BNC2: variants seen among roughly 807,000 people sequenced by gnomAD.
BNC2 encodes zinc finger protein basonuclin-2.
In BNC2, 20 loss-of-function variants were observed where a neutral mutation model predicts 76.3. The observed-to-expected ratio is 0.26, with a 90% CI of 0.18 to 0.38. The LOEUF is 0.38. BNC2 is among the 10% of genes least tolerant of loss of function. The probability of loss-of-function intolerance (pLI) is 1.00; values close to 1 mark genes in which losing one functional copy is unlikely to be tolerated. For missense variants in BNC2, 1,382 were observed against 1,399.8 expected (o/e 0.99, Z 0.20); for synonymous variants, 582 against 514.8 (o/e 1.13, Z -1.77).
At chr9:16,802,005 A>C (rs541461215) in intron 1 of BNC2, among the ~76,000 whole-genome samples, 2 of 152,282 alleles carry the variant, frequency 1.3e-5, no homozygotes, top group African/African-American at 4.8e-5. Context: ...CTAATGCATC[A>C]ATTTTTTTCA....
At chr9:16,577,778 T>TTGCAGGCAGACCTCAGCCAAAGGAAATAA (rs2132969588) in intron 4 of BNC2, among the ~76,000 whole-genome samples, 1 of 152,348 alleles carries the variant, frequency 6.6e-6, no homozygotes, top group African/African-American at 2.4e-5. Flanking sequence ...ACAAGCATTC[T>TTGCAGGCAGACCTCAGCCAAAGGAAATAA]TGCAGGCAGA....
At chr9:16,707,705 G>A (rs773454335) in intron 3 of BNC2, among the ~76,000 whole-genome samples, 20 of 152,060 alleles carry the variant, frequency 1.3e-4, no homozygotes, top group Non-Finnish European at 2.2e-4. Flanking sequence ...GCAGTGGCAC[G>A]GTTTCAGTTC....
intron 5 of BNC2, among the ~76,000 whole-genome samples, chr9:16,497,410 G>A (rs1822412568): frequency 6.6e-6 from 1 of 152,182 alleles, no homozygotes; most frequent in African/African-American, 2.4e-5. Context: ...CAAAAGCAGA[G>A]ACCATGCCCT....
At chr9:16,721,854 G>A (rs1179840332) in intron 3 of BNC2, among the ~76,000 whole-genome samples, 1 of 152,030 alleles carries the variant, frequency 6.6e-6, no homozygotes, top group Non-Finnish European at 1.5e-5. Flanking sequence ...CAAACACTAA[G>A]GTTCAAATTA....
intron 3 of BNC2, among the ~76,000 whole-genome samples, chr9:16,643,120 T>G (rs1024517250): frequency 6.6e-6 from 1 of 152,028 alleles, no homozygotes. Context: ...CTTTTCTATA[T>G]AGAGCTGGCA....
rs1822291233 is a variant in BNC2 at position 16,492,104 on chromosome 9, A to C, written c.670-54580T>G. On this transcript the variant is annotated intron_variant, in intron 5 of 6. Transcript: ENST00000380672. ...GTTCATTCTATCAAAATTAAGTTGA[A>C]TGCTTTAGGGAGTCCTGACAATGTT... Among the ~76,000 whole-genome samples, 3 of 152,208 alleles carry C rather than the reference A, an allele frequency of 2.0e-5. No individual in the cohort carries two copies. The South Asian group carries it at 6.2e-4, about 31-fold the overall frequency.
chr9:16,734,918 C>A (rs931300073), intron 2 of BNC2, among the ~76,000 whole-genome samples: 1 of 152,186 alleles, frequency 6.6e-6, no homozygotes, highest in Non-Finnish European at 1.5e-5. Context: ...AAAAGCTTCA[C>A]CCTTCTCAGC....
At chr9:16,457,795 T>C (rs1372106926) in intron 5 of BNC2, among the ~76,000 whole-genome samples, 1 of 152,232 alleles carries the variant, frequency 6.6e-6, no homozygotes, top group African/African-American at 2.4e-5. Context: ...AGTTCCTGGA[T>C]GCCAGCCAAG....
intron 3 of BNC2, among the ~76,000 whole-genome samples, chr9:16,684,653 G>A (rs1822923080): frequency 6.6e-6 from 1 of 151,820 alleles, no homozygotes; most frequent in Non-Finnish European, 1.5e-5. Context: ...TAGAAAATAA[G>A]GCCAAATGGA....
At chr9:16,472,518 A>C (rs1239489754) in intron 5 of BNC2, among the ~76,000 whole-genome samples, 1 of 152,192 alleles carries the variant, frequency 6.6e-6, no homozygotes, top group Non-Finnish European at 1.5e-5. Context: ...AATTCAGAAG[A>C]GGTCACATGG....
chr9:16,688,132 G>A (rs1013058192), intron 3 of BNC2, among the ~76,000 whole-genome samples: 7 of 152,090 alleles, frequency 4.6e-5, no homozygotes, highest in Admixed American at 1.3e-4. Context: ...TTCACTGAAC[G>A]GTTCATGGTC....
intron 1 of BNC2, among the ~76,000 whole-genome samples, chr9:16,795,580 G>C (rs1443329855): frequency 6.6e-6 from 1 of 152,102 alleles, no homozygotes; most frequent in Admixed American, 6.5e-5. Context: ...AGCGAGAGGA[G>C]GATGGTGACA....
chr9:16,608,751 T>C (rs1820454519), intron 3 of BNC2, among the ~76,000 whole-genome samples: 1 of 152,138 alleles, frequency 6.6e-6, no homozygotes, highest in South Asian at 2.1e-4. Context: ...CATGAAAAGA[T>C]AACCTGACAG....
chr9:16,650,374 G>C (rs192035527), intron 3 of BNC2, among the ~76,000 whole-genome samples: 1 of 152,110 alleles, frequency 6.6e-6, no homozygotes, highest in Non-Finnish European at 1.5e-5. Context: ...TCACTGATGT[G>C]TTCATGCCTT....
chr9:16,685,411 C>T (rs557241561), intron 3 of BNC2: 17 of 439,392 alleles, frequency 3.9e-5, no homozygotes, highest in East Asian at 1.4e-4. Flanking sequence ...GCTGCACATA[C>T]GCTACACTGG....
At position 16,552,512 on chromosome 9, in the gene BNC2, T is replaced by A. The variant is rs1042573958; in HGVS notation, c.669+18A>T. On this transcript the variant is annotated intron_variant, in intron 5 of 6. Coordinates refer to ENST00000380672, the MANE Select transcript of BNC2 (RefSeq NM_017637.6). ...CAGTCGGCCCCGGACACGGGCGGCG[T>A]TCAAGTCCTCTCCCTACCTGAAGGA... 6.2e-7 allele frequency: 1 copy of A among 1,612,074 alleles called. No homozygotes were observed. Among genetic ancestry groups the A allele is most frequent in the African/African-American group, 1.3e-5 (1 of 74,858 alleles).
At chr9:16,522,450 G>C (rs1052009034) in intron 5 of BNC2, among the ~76,000 whole-genome samples, 6 of 152,150 alleles carry the variant, frequency 3.9e-5, no homozygotes, top group Non-Finnish European at 5.9e-5. Context: ...TAAGACCTTA[G>C]CTAGAGACAT....
chr9:16,715,831 T>C (rs1823983229), intron 3 of BNC2, among the ~76,000 whole-genome samples: 3 of 152,278 alleles, frequency 2.0e-5, no homozygotes, highest in East Asian at 1.9e-4. Context: ...TAAAATGTCA[T>C]ACTACTCTAG....
intron 1 of BNC2, among the ~76,000 whole-genome samples, chr9:16,803,560 G>A (rs571038843): frequency 6.6e-6 from 1 of 152,306 alleles, no homozygotes; most frequent in East Asian, 1.9e-4. Context: ...ATGAAGGGAA[G>A]GACATGCAAT....
Sources: allele counts gnomAD v4.1 joint callset (sites outside exome capture counted in the v4.1 genomes callset), GRCh38; gene constraint gnomAD v4.1.1; transcripts MANE v1.5; gene names NCBI Gene and HGNC (gene_info 2026-07-23, HGNC 2026-07-21).